The following CDH13 variants were observed in gnomAD, a reference collection of about 807,000 sequenced individuals.
The protein encoded by CDH13 is cadherin-13.
A neutral mutation model predicts 63.8 loss-of-function variants in CDH13; 24 were observed. The ratio of observed to expected loss-of-function variants is 0.38; its 90% confidence interval spans 0.27 to 0.53. The LOEUF (loss-of-function observed/expected upper bound fraction) is 0.53, where lower values mean the gene tolerates loss of function less well. Among genes scored for constraint, CDH13 ranks in the 20% least tolerant of loss-of-function variants. The pLI is 0.85. For missense variants in CDH13, 1,049 were observed against 903.1 expected (o/e 1.16, Z -2.07); for synonymous variants, 503 against 355.3 (o/e 1.42, Z -4.67).
chr16:83,340,838 C>T (rs2090706208), intron 5 of CDH13, among the ~76,000 whole-genome samples: 1 of 152,130 alleles, frequency 6.6e-6, no homozygotes, highest in South Asian at 2.1e-4. Context: ...TTCTAGCTGT[C>T]ATTTGTTGAG....
chr16:82,764,985 C>A (rs922802448), intron 1 of CDH13, among the ~76,000 whole-genome samples: 1 of 151,832 alleles, frequency 6.6e-6, no homozygotes, highest in Non-Finnish European at 1.5e-5. Context: ...TGGCTAATTT[C>A]TTGTATTTTT....
chr16:82,821,982 A>G lies in CDH13; in HGVS notation c.46-36380A>G, dbSNP rs181916129. On this transcript the variant is annotated intron_variant, in intron 1 of 13. Transcript: ENST00000567109. The stretch of plus-strand genomic sequence containing the variant: ...TTCCTCACTGACTTTGTTCCCATCC[A>G]TAGAACCAAAAGGGTCTTCCTTAGT... Among the ~76,000 whole-genome samples, 89 of 152,320 alleles carry G rather than the reference A, an allele frequency of 5.8e-4. 1 individual carries two copies. The highest frequency in any genetic ancestry group is 8.8e-4 in the Non-Finnish European group (60 of 68,026).
In CDH13 at chr16:83,746,165, G is replaced by A. The variant is rs535344817; in HGVS notation, c.1539-1943G>A. Reference sequence around the variant, plus strand: ...AATTTATTCTCCCACAGTTCTGGAGGACAGAAGTCCAAAATCAGTCTAACT... The same window carrying A: ...AATTTATTCTCCCACAGTTCTGGAGAACAGAAGTCCAAAATCAGTCTAACT... On this transcript the variant is annotated intron_variant, in intron 10 of 13. Coordinates refer to ENST00000567109, the MANE Select transcript of CDH13 (RefSeq NM_001257.5). Among the ~76,000 whole-genome samples, 3 of 152,318 alleles carry A rather than the reference G, an allele frequency of 2.0e-5. No individual in the cohort carries two copies. The East Asian group carries it at 5.8e-4, about 29-fold the overall frequency.
intron 1 of CDH13, among the ~76,000 whole-genome samples, chr16:82,837,256 ATAGTG>A (rs1323868249): frequency 6.6e-6 from 1 of 152,190 alleles, no homozygotes; most frequent in African/African-American, 2.4e-5. Context: ...TGTCTGTAAA[ATAGTG>A]GTGGTGAGCA....
At chr16:83,081,461 T>A (rs376159089) in intron 3 of CDH13, among the ~76,000 whole-genome samples, 1 of 152,204 alleles carries the variant, frequency 6.6e-6, no homozygotes, top group African/African-American at 2.4e-5. Flanking sequence ...GGTATACACA[T>A]GCTTTTAAAT....
intron 5 of CDH13, among the ~76,000 whole-genome samples, chr16:83,336,300 CAAAAAA>C (rs376325733): frequency 6.1e-5 from 3 of 49,008 alleles, no homozygotes; most frequent in African/African-American, 1.4e-4. Flanking sequence ...GACTCCATCT[CAAAAAA>C]AAAAAAAAAA....
chr16:83,050,779 A>T (rs6565108), intron 3 of CDH13, among the ~76,000 whole-genome samples: 128,810 of 152,074 alleles, frequency 0.85, 54,976 homozygotes, highest in East Asian at 0.98. Context: ...TAACTGTGTG[A>T]GTCTGAACAC....
intron 1 of CDH13, among the ~76,000 whole-genome samples, chr16:82,822,911 G>C (rs751233289): frequency 4.6e-5 from 7 of 152,150 alleles, no homozygotes; most frequent in African/African-American, 7.2e-5. Flanking sequence ...GTTTCTGATG[G>C]GCTTGCAGTC....
intron 3 of CDH13, among the ~76,000 whole-genome samples, chr16:83,040,044 G>T (rs142024250): frequency 6.4e-4 from 97 of 151,588 alleles, no homozygotes; most frequent in African/African-American, 2.2e-3. Context: ...GCTTGTGCCT[G>T]TCTTAATGCT....
At position 83,799,455 on chromosome 16, in the gene CDH13, G is replaced by C. The variant is rs1904303566; in HGVS notation, c.*4425G>C. The stretch of plus-strand genomic sequence containing the variant: ...GTGCTTTGCTATAAATCATTCAAAG[G>C]GGCAAATTCTAAAGGATCTCTAAGT... On this transcript the variant is annotated 3_prime_UTR_variant, in exon 14 of 14. Transcript: ENST00000567109. 1 of 152,052 alleles carries C rather than the reference G, an allele frequency of 6.6e-6. No individual in the cohort carries two copies. Among genetic ancestry groups the C allele is most frequent in the Non-Finnish European group, 1.5e-5 (1 of 68,018 alleles). The allele number at this position is 152,052 out of a possible 1,614,324, so 9.4% of individuals were successfully genotyped here. A position where few individuals can be genotyped will look rare whatever the true frequency, so the allele number is the denominator to read the frequency against.
intron 1 of CDH13, among the ~76,000 whole-genome samples, chr16:82,650,291 G>T (rs12933242): frequency 0.24 from 35,885 of 152,116 alleles, 4,378 homozygotes; most frequent in Middle Eastern, 0.28. Flanking sequence ...ATAAAGCAGA[G>T]TTAGAAGGAG....
At chr16:83,061,990 G>C (rs73596284) in intron 3 of CDH13, among the ~76,000 whole-genome samples, 5,253 of 152,266 alleles carry the variant, frequency 0.034, 298 homozygotes, top group African/African-American at 0.12. Context: ...TGGGCAGGGT[G>C]ACAATTTATG....
chr16:82,921,114 C>G (rs1380541091), intron 2 of CDH13, among the ~76,000 whole-genome samples: 1 of 152,068 alleles, frequency 6.6e-6, no homozygotes, highest in Non-Finnish European at 1.5e-5. Flanking sequence ...GTGTACAATC[C>G]TTTTGATAAG....
At position 83,427,408 on chromosome 16, in the gene CDH13, A is replaced by C. The variant is rs116531196; in HGVS notation, c.782-59069A>C. Among the ~76,000 whole-genome samples the C allele has an allele frequency of 4.9e-3, 741 of 152,176 alleles. 9 individuals are homozygous for C. The highest frequency in any genetic ancestry group is 0.017 in the African/African-American group (694 of 41,512). On this transcript the variant is annotated intron_variant, in intron 6 of 13. Coordinates refer to ENST00000567109, the MANE Select transcript of CDH13 (RefSeq NM_001257.5). Reference sequence around the variant, plus strand: ...AGTTAGAGTGATGCAGCCCTGAGCCAAGGAATGTGGGTAGCCTCAAGAAGC... The same window carrying C: ...AGTTAGAGTGATGCAGCCCTGAGCCCAGGAATGTGGGTAGCCTCAAGAAGC...
intron 1 of CDH13, among the ~76,000 whole-genome samples, chr16:82,677,121 A>T (rs1281978638): frequency 6.6e-6 from 1 of 152,162 alleles, no homozygotes; most frequent in Non-Finnish European, 1.5e-5. Context: ...TGACCTCATG[A>T]TCCACCCTCC....
intron 3 of CDH13, among the ~76,000 whole-genome samples, chr16:83,078,331 C>G (rs1306537803): frequency 6.6e-6 from 1 of 152,168 alleles, no homozygotes. Flanking sequence ...AATTTTTCCA[C>G]ATATTGGGGA....
intron 1 of CDH13, among the ~76,000 whole-genome samples, chr16:82,676,309 C>T (rs369238993): frequency 7.2e-5 from 11 of 152,080 alleles, no homozygotes; most frequent in Admixed American, 2.0e-4. Context: ...CCCTCCTAAA[C>T]TCAAGGCTTT....
intron 3 of CDH13, among the ~76,000 whole-genome samples, chr16:83,063,143 G>C (rs1037813534): frequency 2.0e-5 from 3 of 152,058 alleles, no homozygotes; most frequent in African/African-American, 7.2e-5. Flanking sequence ...TGTATTTTTA[G>C]TAGAGACAGG....
At chr16:83,065,003 C>T (rs1438865656) in intron 3 of CDH13, among the ~76,000 whole-genome samples, 2 of 152,122 alleles carry the variant, frequency 1.3e-5, no homozygotes, top group East Asian at 1.9e-4. Context: ...AAAATCTCCC[C>T]AGTCCCTCCC....
Sources: gnomAD v4.1 joint callset for allele counts (sites outside exome capture counted in the v4.1 genomes callset) on GRCh38, gnomAD v4.1.1 for gene constraint, MANE v1.5 for transcripts, NCBI Gene and HGNC (gene_info 2026-07-23, HGNC 2026-07-21) for gene names.